FAM107B: variants seen among roughly 807,000 people sequenced by gnomAD.
FAM107B encodes protein FAM107B.
Under a neutral mutation model 31.5 loss-of-function variants are expected in FAM107B, and 21 were observed. That is an observed-to-expected ratio of 0.67 (90% CI 0.47 to 0.96). The LOEUF is 0.96. Among genes scored for constraint, FAM107B ranks in the 40% least tolerant of loss-of-function variants. FAM107B has a pLI of 0.00. For synonymous variants in FAM107B, 157 were observed against 141.5 expected (o/e 1.11, Z -0.78); for missense variants, 452 against 377.1 (o/e 1.20, Z -1.64).
intron 2 of FAM107B, among the ~76,000 whole-genome samples, chr10:14,628,768 TA>T (rs1853242961): frequency 6.6e-6 from 1 of 152,076 alleles, no homozygotes; most frequent in East Asian, 1.9e-4. Flanking sequence ...TATGGTGGCT[TA>T]CACCTGTAAT....
At position 14,522,011 on chromosome 10, in the gene FAM107B, G is replaced by C; in HGVS notation, c.662C>G (p.Ala221Gly). 1 of 1,609,630 alleles carries C rather than the reference G, an allele frequency of 6.2e-7. No individual in the cohort carries two copies. The highest frequency in any genetic ancestry group is 2.2e-5 in the East Asian group (1 of 44,880). ...ELLMNQKRGL[A>G]PQNKPELQKV... ...CTGCAATTCTGGTTTGTTCTGAGGA[G>C]CAAGACCCCTGCGAAAGAGCATTAA... Residue 221 changes from alanine (A) to glycine (G), a missense_variant, in exon 4 of 5, where the codon GCT becomes GGT. Physicochemically the swap from Ala to Gly is moderately conservative, Grantham distance 60. Coordinates refer to ENST00000181796, the MANE Select transcript of FAM107B (RefSeq NM_031453.4).
At chr10:14,737,796 C>CTT (rs1564281084) in intron 1 of FAM107B, among the ~76,000 whole-genome samples, 2 of 151,528 alleles carry the variant, frequency 1.3e-5, no homozygotes, top group African/African-American at 4.9e-5. Context: ...CTCTCTCTCT[C>CTT]TCTCCTTCGT....
intron 2 of FAM107B, among the ~76,000 whole-genome samples, chr10:14,582,979 G>A (rs1279740595): frequency 3.3e-5 from 5 of 151,826 alleles, no homozygotes; most frequent in Non-Finnish European, 7.4e-5. Context: ...CCAGCTACTT[G>A]GGAGGCTAAG....
intron 2 of FAM107B, among the ~76,000 whole-genome samples, chr10:14,545,351 C>T (rs77183370): frequency 0.023 from 3,502 of 152,240 alleles, 131 homozygotes; most frequent in African/African-American, 0.079. Context: ...TGGTTTAGCG[C>T]TTCTGTTACA....
At chr10:14,601,095 C>T (rs190173891) in intron 2 of FAM107B, among the ~76,000 whole-genome samples, 22 of 152,332 alleles carry the variant, frequency 1.4e-4, no homozygotes, top group African/African-American at 5.3e-4. Context: ...CCTCACCTGC[C>T]TTATAGTCTT....
At chr10:14,597,840 C>G (rs1014310951) in intron 2 of FAM107B, among the ~76,000 whole-genome samples, 2 of 152,180 alleles carry the variant, frequency 1.3e-5, no homozygotes, top group Non-Finnish European at 2.9e-5. Context: ...ATCCCAGCTA[C>G]TCAGGAGGCT....
intron 3 of FAM107B, among the ~76,000 whole-genome samples, chr10:14,524,718 GT>G (rs1846045133): frequency 1.3e-5 from 2 of 151,594 alleles, no homozygotes; most frequent in South Asian, 4.1e-4. Context: ...GAATTAAGGG[GT>G]TTAAATTTTA....
chr10:14,567,320 G>A (rs1201022558), intron 2 of FAM107B, among the ~76,000 whole-genome samples: 1 of 152,180 alleles, frequency 6.6e-6, no homozygotes, highest in Non-Finnish European at 1.5e-5. Flanking sequence ...GCAGTGGGAA[G>A]GTCAGAGAAT....
At chr10:14,523,101 T>C (rs1348140055) in intron 3 of FAM107B, among the ~76,000 whole-genome samples, 1 of 152,232 alleles carries the variant, frequency 6.6e-6, no homozygotes. Flanking sequence ...GGGAAAGACA[T>C]GTCTTAGCAT....
At chr10:14,554,560 G>A (rs988211629) in intron 2 of FAM107B, among the ~76,000 whole-genome samples, 1 of 152,166 alleles carries the variant, frequency 6.6e-6, no homozygotes. Context: ...TTGAGACTTG[G>A]GGATCTGGTA....
intron 2 of FAM107B, among the ~76,000 whole-genome samples, chr10:14,662,450 C>T (rs1035955138): frequency 3.3e-5 from 5 of 150,720 alleles, no homozygotes; most frequent in African/African-American, 9.8e-5. Flanking sequence ...AATCATGGCT[C>T]ATTGCAGCTT....
At chr10:14,762,474 G>T (rs1176510862) in intron 1 of FAM107B, among the ~76,000 whole-genome samples, 1 of 152,130 alleles carries the variant, frequency 6.6e-6, no homozygotes, top group East Asian at 1.9e-4. Flanking sequence ...TTCAAGAGAC[G>T]TGACTGACCG....
At chr10:14,636,256 C>A in intron 2 of FAM107B, among the ~76,000 whole-genome samples, 2 of 128,316 alleles carry the variant, frequency 1.6e-5, no homozygotes, top group Admixed American at 8.7e-5. Context: ...TAGTGTGACT[C>A]TTATAAAAAG....
At chr10:14,593,277 G>T (rs939865286) in intron 2 of FAM107B, among the ~76,000 whole-genome samples, 1 of 151,972 alleles carries the variant, frequency 6.6e-6, no homozygotes, top group African/African-American at 2.4e-5. Flanking sequence ...CATACTAAAC[G>T]TGAAAAATAA....
intron 2 of FAM107B, among the ~76,000 whole-genome samples, chr10:14,648,698 T>A (rs1853827538): frequency 6.6e-6 from 1 of 152,212 alleles, no homozygotes; most frequent in African/African-American, 2.4e-5. Flanking sequence ...ACAACCCACA[T>A]GTAATTTTAC....
intron 1 of FAM107B, among the ~76,000 whole-genome samples, chr10:14,690,567 T>C (rs113764864): frequency 0.053 from 8,038 of 152,124 alleles, 701 homozygotes; most frequent in African/African-American, 0.18. Context: ...GATTCTCCTG[T>C]TCAGCCTCCC....
intron 2 of FAM107B, among the ~76,000 whole-genome samples, chr10:14,599,957 T>G (rs767144043): frequency 3.9e-5 from 6 of 152,156 alleles, no homozygotes; most frequent in Non-Finnish European, 7.4e-5. Flanking sequence ...TATTTTCACT[T>G]AAAAACAAAA....
chr10:14,597,635 C>A (rs1316337742), intron 2 of FAM107B, among the ~76,000 whole-genome samples: 1 of 152,216 alleles, frequency 6.6e-6, no homozygotes, highest in Non-Finnish European at 1.5e-5. Flanking sequence ...CTTGACATCA[C>A]TGCCGGCTGC....
At chr10:14,772,103 C>A (rs1349901784) in intron 1 of FAM107B, among the ~76,000 whole-genome samples, 1 of 152,134 alleles carries the variant, frequency 6.6e-6, no homozygotes, top group Non-Finnish European at 1.5e-5. Flanking sequence ...CTCCTGTAAT[C>A]CCAGCACTTT....
Sources: gnomAD v4.1 joint callset for allele counts (sites outside exome capture counted in the v4.1 genomes callset) on GRCh38, gnomAD v4.1.1 for gene constraint, MANE v1.5 for transcripts, NCBI Gene and HGNC (gene_info 2026-07-23, HGNC 2026-07-21) for gene names.